Variants in CCDC60 observed in about 807,000 individuals in gnomAD.
The protein encoded by CCDC60 is coiled-coil domain containing 60, also known as coiled-coil domain-containing protein 60.
CCDC60 carries 54 observed loss-of-function variants against 63.5 expected under a neutral mutation model. The observed-to-expected ratio is 0.85, with a 90% CI of 0.68 to 1.07. CCDC60 has a LOEUF of 1.07. CCDC60 is among the 50% of genes least tolerant of loss of function. The pLI is 0.00. For missense variants in CCDC60, 651 were observed against 684.3 expected, an observed-to-expected ratio of 0.95 and a Z score of 0.54; for synonymous variants, 206 against 238.8, an observed-to-expected ratio of 0.86 and a Z score of 1.27.
At chr12:119,463,115 C>T (rs185053218) in intron 2 of CCDC60, among the ~76,000 whole-genome samples, 3 of 152,348 alleles carry the variant, frequency 2.0e-5, no homozygotes, top group East Asian at 1.9e-4. Context: ...TGAGCTGCCA[C>T]GCCTAGCCTC....
chr12:119,528,863 T>G, intron 12 of CCDC60, 117 bp downstream of exon 12: 1 of 1,067,148 alleles, frequency 9.4e-7, no homozygotes, highest in Non-Finnish European at 1.3e-6. Context: ...ACTCCAAAAC[T>G]GTCATTGGCC....
chr12:119,432,235 C>T (rs1328509213), intron 2 of CCDC60, among the ~76,000 whole-genome samples: 1 of 152,128 alleles, frequency 6.6e-6, no homozygotes, highest in Non-Finnish European at 1.5e-5. Flanking sequence ...AGCCAAGAGC[C>T]ATCTGAGTAG....
intron 2 of CCDC60, among the ~76,000 whole-genome samples, chr12:119,439,843 T>C (rs1440210625): frequency 6.6e-6 from 1 of 152,194 alleles, no homozygotes; most frequent in Non-Finnish European, 1.5e-5. Flanking sequence ...CATTAAGGCA[T>C]GACCTCCATT....
At chr12:119,479,622 AC>A (rs1951256150) in intron 4 of CCDC60, 1 of 159,198 alleles carries the variant, frequency 6.3e-6, no homozygotes, top group South Asian at 1.9e-4. Flanking sequence ...GTGTGGTGCA[AC>A]AGGAACTAAT....
At chr12:119,494,195 GA>G (rs1056029916) in intron 5 of CCDC60, among the ~76,000 whole-genome samples, 13 of 152,168 alleles carry the variant, frequency 8.5e-5, no homozygotes, top group African/African-American at 2.4e-4. Flanking sequence ...GACTTTTACA[GA>G]GTCACAGACA....
intron 1 of CCDC60, among the ~76,000 whole-genome samples, chr12:119,337,055 G>A (rs1294829779): frequency 1.3e-5 from 2 of 152,190 alleles, no homozygotes; most frequent in African/African-American, 4.8e-5. Context: ...GTGAAGGAGA[G>A]CTTAAAACTC....
chr12:119,350,066 G>A (rs1472564654), intron 1 of CCDC60, among the ~76,000 whole-genome samples: 1 of 152,172 alleles, frequency 6.6e-6, no homozygotes, highest in Non-Finnish European at 1.5e-5. Context: ...GAGTGGTCCT[G>A]TTCTCCTCCC....
intron 5 of CCDC60, among the ~76,000 whole-genome samples, chr12:119,489,741 C>T (rs1436286378): frequency 2.0e-5 from 3 of 152,072 alleles, no homozygotes; most frequent in African/African-American, 7.2e-5. Context: ...CCCGTGCTAA[C>T]CCATGCCCTC....
chr12:119,344,851 TCTCTCACACACACA>T (rs995074912), intron 1 of CCDC60, among the ~76,000 whole-genome samples: 8 of 107,578 alleles, frequency 7.4e-5, no homozygotes, highest in South Asian at 8.7e-4. Flanking sequence ...TCTCTCTCTC[TCTCTCACACACACA>T]CACACACACA....
chr12:119,463,763 C>T (rs1950901789), intron 2 of CCDC60, among the ~76,000 whole-genome samples: 1 of 152,236 alleles, frequency 6.6e-6, no homozygotes, highest in African/African-American at 2.4e-5. Context: ...AGAGGGACCT[C>T]TACAGCTCTG....
intron 1 of CCDC60, among the ~76,000 whole-genome samples, chr12:119,348,943 A>C (rs1029886044): frequency 6.6e-6 from 1 of 152,170 alleles, no homozygotes; most frequent in Non-Finnish European, 1.5e-5. Context: ...AACTCATGTT[A>C]TTGGCTGAGT....
intron 3 of CCDC60, among the ~76,000 whole-genome samples, chr12:119,478,400 G>T (rs1951226923): frequency 6.6e-6 from 1 of 151,882 alleles, no homozygotes; most frequent in African/African-American, 2.4e-5. Context: ...TAACGGAAAT[G>T]ATTTGCTCTG....
At chr12:119,390,623 G>C (rs575692871) in intron 1 of CCDC60, among the ~76,000 whole-genome samples, 2 of 152,356 alleles carry the variant, frequency 1.3e-5, no homozygotes, top group Admixed American at 1.3e-4. Context: ...TTGATGACCA[G>C]AGGAAGCTCT....
chr12:119,430,689 G>A (rs1950214297), intron 2 of CCDC60, among the ~76,000 whole-genome samples: 2 of 79,754 alleles, frequency 2.5e-5, no homozygotes, highest in African/African-American at 9.6e-5. Flanking sequence ...AAAGTCACAT[G>A]AGTCACATGA....
intron 13 of CCDC60, among the ~76,000 whole-genome samples, chr12:119,537,131 C>T (rs1953026187): frequency 6.6e-6 from 1 of 152,036 alleles, no homozygotes; most frequent in Non-Finnish European, 1.5e-5. Flanking sequence ...TTTCTCTAAA[C>T]TTCTCTTCTC....
chr12:119,453,072 C>T (rs1256775098), intron 2 of CCDC60, among the ~76,000 whole-genome samples: 1 of 152,200 alleles, frequency 6.6e-6, no homozygotes, highest in Admixed American at 6.5e-5. Flanking sequence ...GGCAATCTGC[C>T]CACCTCAGCC....
At chr12:119,446,789 A>C (rs1950551248) in intron 2 of CCDC60, among the ~76,000 whole-genome samples, 1 of 151,708 alleles carries the variant, frequency 6.6e-6, no homozygotes, top group South Asian at 2.1e-4. Context: ...TTTTTTTTTA[A>C]TTTGTACCCT....
intron 13 of CCDC60, among the ~76,000 whole-genome samples, chr12:119,540,316 G>T (rs1203894767): frequency 6.6e-6 from 1 of 152,154 alleles, no homozygotes; most frequent in Non-Finnish European, 1.5e-5. Flanking sequence ...AGATATTAAG[G>T]AGTAGAAAAG....
intron 11 of CCDC60, among the ~76,000 whole-genome samples, chr12:119,525,448 C>G (rs1398057777): frequency 6.6e-6 from 1 of 152,152 alleles, no homozygotes; most frequent in Non-Finnish European, 1.5e-5. Context: ...CAGCAGACCT[C>G]TCAGCTGAAA....
Sources: gnomAD v4.1 joint callset for allele counts (sites outside exome capture counted in the v4.1 genomes callset) on GRCh38, gnomAD v4.1.1 for gene constraint, MANE v1.5 for transcripts, NCBI Gene and HGNC (gene_info 2026-07-23, HGNC 2026-07-21) for gene names.